VAMP4: variants seen among roughly 807,000 people sequenced by gnomAD.
The protein encoded by VAMP4 is vesicle associated membrane protein 4.
In VAMP4, 19 loss-of-function variants were observed where a neutral mutation model predicts 23.5. That is an observed-to-expected ratio of 0.81 (90% CI 0.56 to 1.19). VAMP4 has a LOEUF of 1.19. Among genes scored for constraint, VAMP4 ranks in the 50% most tolerant of loss-of-function variants. VAMP4 has a pLI of 0.00. For missense variants in VAMP4, 145 were observed against 168.6 expected (o/e 0.86, Z 0.78); for synonymous variants, 31 against 51.0 (o/e 0.61, Z 1.67).
chr1:171,713,289 CT>C (rs111615016), intron 4 of VAMP4, among the ~76,000 whole-genome samples: 50,607 of 147,218 alleles, frequency 0.34, 8,610 homozygotes, highest in Middle Eastern at 0.43. Context: ...TCCCAGCCAG[CT>C]TTTTTTTTTT....
chr1:171,704,499 C>T lies in VAMP4; in HGVS notation c.*7G>A. The T allele has an allele frequency of 6.3e-7, 1 of 1,577,732 alleles. No individual in the cohort carries two copies. The highest frequency in any genetic ancestry group is 1.2e-5 in the South Asian group (1 of 85,108). Reference sequence around the variant, plus strand: ...GATCTTGTTTAATGAAGATCTCTGTCATCAAATCAAGTACGGTATTTCATG... The same window carrying T: ...GATCTTGTTTAATGAAGATCTCTGTTATCAAATCAAGTACGGTATTTCATG... On this transcript the variant is annotated 3_prime_UTR_variant, in exon 8 of 8. Coordinates refer to ENST00000236192, the MANE Select transcript of VAMP4 (RefSeq NM_003762.5).
intron 4 of VAMP4, among the ~76,000 whole-genome samples, chr1:171,712,533 CA>C (rs1263211590): frequency 6.6e-6 from 1 of 152,146 alleles, no homozygotes; most frequent in African/African-American, 2.4e-5. Context: ...TGATTACCCA[CA>C]CATAAACTTC....
At chr1:171,736,169 G>A (rs1406001198) in intron 2 of VAMP4, among the ~76,000 whole-genome samples, 1 of 152,100 alleles carries the variant, frequency 6.6e-6, no homozygotes, top group Non-Finnish European at 1.5e-5. Context: ...TTACAGGCGC[G>A]AGCCACCACG....
At chr1:171,713,453 G>A (rs554949198) in intron 4 of VAMP4, among the ~76,000 whole-genome samples, 4 of 152,182 alleles carry the variant, frequency 2.6e-5, no homozygotes, top group Middle Eastern at 3.4e-3. Context: ...AGACGAGATC[G>A]GGCGCATTCA....
At chr1:171,720,926 C>T (rs1655174385) in intron 3 of VAMP4, among the ~76,000 whole-genome samples, 1 of 151,982 alleles carries the variant, frequency 6.6e-6, no homozygotes, top group African/African-American at 2.4e-5. Flanking sequence ...AAACTCTTAA[C>T]AAATTGATTC....
intron 2 of VAMP4, among the ~76,000 whole-genome samples, chr1:171,736,234 A>T (rs183220006): frequency 2.6e-5 from 4 of 152,208 alleles, no homozygotes; most frequent in Admixed American, 2.6e-4. Flanking sequence ...ATTCCAGCAC[A>T]GGTATATCAA....
At chr1:171,740,411 G>C (rs1655888980) in intron 1 of VAMP4, among the ~76,000 whole-genome samples, 1 of 152,166 alleles carries the variant, frequency 6.6e-6, no homozygotes, top group African/African-American at 2.4e-5. Flanking sequence ...CTGGCTTCAC[G>C]AACCAAATAA....
In VAMP4 at chr1:171,708,690, G is replaced by A. The variant is rs1258760840; in HGVS notation, c.345+975C>T. Among the ~76,000 whole-genome samples the A allele has an allele frequency of 6.6e-4, 94 of 143,212 alleles. 1 individual carries two copies. Among genetic ancestry groups the A allele is most frequent in the Middle Eastern group, 3.5e-3 (1 of 284 alleles). 94.0% of individuals were successfully genotyped at this position (143,212 alleles called of 152,430 possible). ...AGCCTGACCAACATGGAGAAACCCC[G>A]TCTCTACTAAAAAAAAAAAAAACAA... is the stretch of plus-strand genomic sequence containing the variant. On this transcript the variant is annotated intron_variant, in intron 6 of 7. Coordinates refer to ENST00000236192, the MANE Select transcript of VAMP4 (RefSeq NM_003762.5).
At chr1:171,715,800 G>A (rs927040861) in intron 4 of VAMP4, among the ~76,000 whole-genome samples, 1 of 152,098 alleles carries the variant, frequency 6.6e-6, no homozygotes, top group Non-Finnish European at 1.5e-5. Context: ...CTTGAGTCCA[G>A]GAGTTTGAGA....
chr1:171,704,600 T>C, intron 7 of VAMP4, 66 bp from the exon 8 acceptor site: 1 of 1,268,174 alleles, frequency 7.9e-7, no homozygotes, highest in Non-Finnish European at 1.1e-6. Flanking sequence ...TTTGAAGCAA[T>C]ATTCCTAAAT....
intron 3 of VAMP4, among the ~76,000 whole-genome samples, chr1:171,723,226 A>C (rs1213635006): frequency 6.6e-6 from 1 of 152,194 alleles, no homozygotes; most frequent in African/African-American, 2.4e-5. Flanking sequence ...AGATCACACG[A>C]CTGGGGCAAA....
chr1:171,734,797 T>C (rs1472692906), intron 2 of VAMP4, among the ~76,000 whole-genome samples: 1 of 152,174 alleles, frequency 6.6e-6, no homozygotes, highest in East Asian at 1.9e-4. Flanking sequence ...AATATACTAA[T>C]AATCAATGAA....
intron 3 of VAMP4, among the ~76,000 whole-genome samples, chr1:171,719,613 T>C (rs1049200671): frequency 6.6e-6 from 1 of 152,082 alleles, no homozygotes; most frequent in African/African-American, 2.4e-5. Context: ...GCGCAATTCA[T>C]CTTGAATTTA....
chr1:171,729,356 CA>C (rs1008912064), intron 2 of VAMP4, among the ~76,000 whole-genome samples: 3 of 152,154 alleles, frequency 2.0e-5, no homozygotes, highest in African/African-American at 7.2e-5. Context: ...AGTCTCAACA[CA>C]AAATTCATTA....
Position 171,707,023 on chromosome 1 carries a change from A to T in VAMP4, c.346-605T>A, listed in dbSNP as rs574552191. ...GAATGAAAACATCAATATCAATTTT[A>T]AAACACCTCAATGAATAGAGTTTTC... On this transcript the variant is annotated intron_variant, in intron 6 of 7. Transcript: ENST00000236192. 3.9e-5 allele frequency among the ~76,000 whole-genome samples: 6 copies of T among 152,308 alleles called. No homozygotes were observed. The South Asian group carries it at 6.2e-4, about 16-fold the overall frequency.
intron 3 of VAMP4, among the ~76,000 whole-genome samples, chr1:171,725,159 T>A (rs1478396552): frequency 6.6e-6 from 1 of 152,202 alleles, no homozygotes; most frequent in Non-Finnish European, 1.5e-5. Flanking sequence ...AGGTACCTCA[T>A]ATAAGTGGAA....
chr1:171,736,398 T>G (rs983720199), intron 2 of VAMP4, among the ~76,000 whole-genome samples: 6 of 152,168 alleles, frequency 3.9e-5, no homozygotes, highest in Non-Finnish European at 8.8e-5. Context: ...CTTGGTATAT[T>G]TCAAGGCATT....
chr1:171,705,467 T>C (rs12128536), intron 7 of VAMP4, among the ~76,000 whole-genome samples: 26,216 of 152,078 alleles, frequency 0.17, 2,349 homozygotes, highest in Middle Eastern at 0.24. Context: ...AGTGCTGAAA[T>C]AAAAAGGCAG....
Position 171,706,388 on chromosome 1 carries a change from T to C in VAMP4, c.376A>G (p.Ile126Val), listed in dbSNP as rs1457479692. 28 of 1,609,754 alleles carry C rather than the reference T, an allele frequency of 1.7e-5. No homozygotes were observed. The highest frequency in any genetic ancestry group is 2.3e-5 in the Non-Finnish European group (27 of 1,177,924). Residue 126 changes from isoleucine (I) to valine (V), a missense_variant, in exon 7 of 8, where the codon ATC becomes GTC. Ile to Val is a conservative substitution (Grantham distance 29). Transcript: ENST00000236192. ...TTACTGATAATCACTAGCAAAAGGA[T>C]AGCAGCAACCAAAGCCATGATGGCT... Reference protein sequence around the residue: ...IKAIMALVAAILLLVIIILIV... With the variant: ...IKAIMALVAAVLLLVIIILIV...
Sources: allele counts gnomAD v4.1 joint callset (sites outside exome capture counted in the v4.1 genomes callset), GRCh38; gene constraint gnomAD v4.1.1; transcripts MANE v1.5; gene names NCBI Gene and HGNC (gene_info 2026-07-23, HGNC 2026-07-21).